Variants in NFILZ observed in about 807,000 individuals in gnomAD.
The protein encoded by NFILZ is NFIL3 like protein.
chr19:8,656,336 TCCTGAAGCCCACCTCTTC>T lies in NFILZ; in HGVS notation c.-163-18200_-163-18183del, dbSNP rs1456717266. ...CACCTCCTCCCTGAAGCCCCCTTCTTCCTGAAGCCCACCTCTTCCCTGAAGCCCACCTTCTCCCTGAAG... is the reference window on the plus strand; with the variant it reads ...CACCTCCTCCCTGAAGCCCCCTTCTTCCTGAAGCCCACCTTCTCCCTGAAG... On this transcript the variant is annotated intron_variant, in intron 3 of 5. Transcript: ENST00000691075. Among the ~76,000 whole-genome samples, 50 of 44,502 alleles carry T rather than the reference TCCTGAAGCCCACCTCTTC, an allele frequency of 1.1e-3. 5 individuals are homozygous for T. The highest frequency in any genetic ancestry group is 4.0e-3 in the African/African-American group (42 of 10,426). The allele number at this position is 44,502 out of a possible 152,430, so 29.2% of individuals were successfully genotyped here. A position where few individuals can be genotyped will look rare whatever the true frequency, so the allele number is the denominator to read the frequency against.
At chr19:8,639,347 CAGG>C (rs1484602011) in intron 3 of NFILZ, among the ~76,000 whole-genome samples, 3 of 152,032 alleles carry the variant, frequency 2.0e-5, no homozygotes, top group African/African-American at 7.2e-5. Flanking sequence ...GAGGCTGAGG[CAGG>C]AGGATCATTT....
At chr19:8,638,258 A>G (rs1019930630) in intron 3 of NFILZ, among the ~76,000 whole-genome samples, 4 of 152,176 alleles carry the variant, frequency 2.6e-5, no homozygotes, top group African/African-American at 4.8e-5. Flanking sequence ...AGAAGTGCGC[A>G]CACTTATCCT....
chr19:8,678,180 T>C lies in NFILZ; in HGVS notation c.*545T>C, dbSNP rs2146177808. Among the ~76,000 whole-genome samples the C allele has an allele frequency of 4.1e-5, 2 of 49,238 alleles. No homozygotes were observed. Among genetic ancestry groups the C allele is most frequent in the Non-Finnish European group, 8.6e-5 (2 of 23,326 alleles). The allele number at this position is 49,238 out of a possible 152,430, so 32.3% of individuals were successfully genotyped here. A position where few individuals can be genotyped will look rare whatever the true frequency, so the allele number is the denominator to read the frequency against. ...ATCCATCCATCCATCCATCCATCCA[T>C]CCATCCATCCGTCCATCTATCCATC... On this transcript the variant is annotated 3_prime_UTR_variant, in exon 6 of 6. Transcript: ENST00000691075.
Position 8,679,458 on chromosome 19 carries a change from A to T in NFILZ, c.*1823A>T, listed in dbSNP as rs2918307. On this transcript the variant is annotated 3_prime_UTR_variant, in exon 6 of 6. Transcript: ENST00000691075. ...TCACTTGGACTCAGGAGCATCGCCCACCCCCACCAGATCTGGGGGCTGGGC... is the reference window on the plus strand; with the variant it reads ...TCACTTGGACTCAGGAGCATCGCCCTCCCCCACCAGATCTGGGGGCTGGGC... Among the ~76,000 whole-genome samples, 2 of 151,434 alleles carry T rather than the reference A, an allele frequency of 1.3e-5. No homozygotes were observed. Among genetic ancestry groups the T allele is most frequent in the African/African-American group, 4.9e-5 (2 of 41,140 alleles).
At position 8,656,411 on chromosome 19, in the gene NFILZ, GAAACC is replaced by G. The variant is rs2042999669; in HGVS notation, c.-163-18139_-163-18135del. 5.5e-4 allele frequency among the ~76,000 whole-genome samples: 47 copies of G among 85,308 alleles called. 3 individuals carry two copies. The highest frequency in any genetic ancestry group is 1.9e-3 in the African/African-American group (44 of 22,846). 56.0% of individuals were successfully genotyped at this position (85,308 alleles called of 152,430 possible). A position where few individuals can be genotyped will look rare whatever the true frequency, so the allele number is the denominator to read the frequency against. ...TTCTCCCGCAGCCCACCTTCTCTCT[GAAACC>G]CACCTCTTTCCGCAGCCCACCTTCT... On this transcript the variant is annotated intron_variant, in intron 3 of 5. Transcript: ENST00000691075.
chr19:8,663,722 T>TTGTGTG (rs879983007), intron 3 of NFILZ, among the ~76,000 whole-genome samples: 21 of 10,796 alleles, frequency 1.9e-3, no homozygotes, highest in African/African-American at 6.2e-3. Flanking sequence ...GTGTGTGTGT[T>TTGTGTG]TGTGTGTGTG....
At chr19:8,647,795 G>GCA (rs879996864) in intron 3 of NFILZ, among the ~76,000 whole-genome samples, 1,593 of 76,260 alleles carry the variant, frequency 0.021, 24 homozygotes, top group East Asian at 0.046. Flanking sequence ...GCGCGCGCGC[G>GCA]CACACACACA....
chr19:8,648,410 C>T (rs782682305), intron 3 of NFILZ, among the ~76,000 whole-genome samples: 1 of 152,018 alleles, frequency 6.6e-6, no homozygotes, highest in Admixed American at 6.6e-5. Flanking sequence ...ATTCTGGAGG[C>T]GGATGGTGGT....
intron 3 of NFILZ, among the ~76,000 whole-genome samples, chr19:8,650,731 T>C (rs1555747637): frequency 6.6e-6 from 1 of 152,074 alleles, no homozygotes; most frequent in Non-Finnish European, 1.5e-5. Flanking sequence ...ACATTGATGC[T>C]GATAGAATAT....
chr19:8,635,048 A>C (rs1483720032), intron 2 of NFILZ, among the ~76,000 whole-genome samples: 1 of 150,410 alleles, frequency 6.6e-6, no homozygotes, highest in East Asian at 2.0e-4. Flanking sequence ...GGTGGCTCAC[A>C]CTTGTAATCC....
chr19:8,659,978 G>C lies in NFILZ; in HGVS notation c.-163-14573G>C, dbSNP rs186541515. 3.8e-3 allele frequency among the ~76,000 whole-genome samples: 577 copies of C among 152,292 alleles called. 3 individuals are homozygous for C. The highest frequency in any genetic ancestry group is 5.9e-3 in the Non-Finnish European group (399 of 68,014). On this transcript the variant is annotated intron_variant, in intron 3 of 5. Transcript: ENST00000691075. ...ACTCCTGGGCCCGTTTCACAGAAGG[G>C]AGACTGAGGCCCTGGGGCCTCATGA...
intron 1 of NFILZ, among the ~76,000 whole-genome samples, chr19:8,631,830 T>TTATG (rs367777602): frequency 0.52 from 76,256 of 145,782 alleles, 21,570 homozygotes; most frequent in South Asian, 0.67. Flanking sequence ...GTCCTCGCTT[T>TTATG]TGTGTGTGTG....
At chr19:8,649,698 T>C (rs1256243175) in intron 3 of NFILZ, among the ~76,000 whole-genome samples, 3 of 152,186 alleles carry the variant, frequency 2.0e-5, no homozygotes, top group Non-Finnish European at 4.4e-5. Flanking sequence ...GGAAAGCAGT[T>C]TGCCTCACAT....
At chr19:8,658,530 G>A (rs1376037203) in intron 3 of NFILZ, among the ~76,000 whole-genome samples, 12 of 152,108 alleles carry the variant, frequency 7.9e-5, no homozygotes, top group African/African-American at 2.9e-4. Context: ...AAGTGGGGCC[G>A]AGAGTGGGAG....
intron 3 of NFILZ, among the ~76,000 whole-genome samples, chr19:8,637,294 G>A (rs887777179): frequency 2.0e-5 from 3 of 151,984 alleles, no homozygotes; most frequent in African/African-American, 7.2e-5. Context: ...GTAGTGAGCT[G>A]AGATCACACC....
Position 8,679,904 on chromosome 19 carries a change from G to C in NFILZ, c.*2269G>C, listed in dbSNP as rs2043137536. On this transcript the variant is annotated 3_prime_UTR_variant, in exon 6 of 6. Transcript: ENST00000691075. ...GGACTGTTTTATCTTCATAAATAAT[G>C]TGAATCCTGGAGGGCAAGGTGGCTC... Among the ~76,000 whole-genome samples, 1 of 152,152 alleles carries C rather than the reference G, an allele frequency of 6.6e-6. No individual in the cohort carries two copies. The highest frequency in any genetic ancestry group is 1.5e-5 in the Non-Finnish European group (1 of 68,026).
At chr19:8,667,801 C>T (rs1219769165) in intron 3 of NFILZ, among the ~76,000 whole-genome samples, 1 of 152,104 alleles carries the variant, frequency 6.6e-6, no homozygotes, top group Admixed American at 6.5e-5. Flanking sequence ...CAACCTCGGC[C>T]TCCCAAAGTA....
intron 1 of NFILZ, 129 bp from the exon 2 acceptor site, chr19:8,632,347 G>C (rs1312840627): frequency 1.3e-5 from 2 of 152,136 alleles, no homozygotes; most frequent in Non-Finnish European, 2.9e-5. Context: ...AATAGGGGCT[G>C]GGTAAAATGA....
intron 3 of NFILZ, among the ~76,000 whole-genome samples, chr19:8,637,645 G>A (rs1193726622): frequency 3.4e-5 from 5 of 148,086 alleles, no homozygotes; most frequent in Admixed American, 6.8e-5. Flanking sequence ...AGTGGCTCAC[G>A]CCTGTAATTC....
Sources: gnomAD v4.1 joint callset for allele counts (sites outside exome capture counted in the v4.1 genomes callset) on GRCh38, gnomAD v4.1.1 for gene constraint, MANE v1.5 for transcripts, NCBI Gene and HGNC (gene_info 2026-07-23, HGNC 2026-07-21) for gene names.